Variants in SYNDIG1 observed in about 807,000 individuals in gnomAD.
The protein encoded by SYNDIG1 is synapse differentiation-inducing gene protein 1.
SYNDIG1 carries 9 observed loss-of-function variants against 19.4 expected under a neutral mutation model. The observed-to-expected ratio is 0.46, with a 90% CI of 0.28 to 0.81. The LOEUF is 0.81. SYNDIG1 is among the 30% of genes least tolerant of loss of function. The pLI is 0.12. For synonymous variants in SYNDIG1, 141 were observed against 145.9 expected, an observed-to-expected ratio of 0.97 and a Z score of 0.24; for missense variants, 311 against 343.3, an observed-to-expected ratio of 0.91 and a Z score of 0.74.
intron 3 of SYNDIG1, chr20:24,596,909 T>C (rs2058604287): frequency 6.6e-6 from 1 of 152,250 alleles, no homozygotes; most frequent in Admixed American, 6.5e-5. Flanking sequence ...TCAACGGATA[T>C]CACTGGTCAC....
At chr20:24,568,120 G>A (rs542130393) in intron 2 of SYNDIG1, among the ~76,000 whole-genome samples, 6 of 152,212 alleles carry the variant, frequency 3.9e-5, no homozygotes, top group Non-Finnish European at 7.4e-5. Context: ...CAGCCTGGGC[G>A]ACAGAAGGAG....
intron 3 of SYNDIG1, among the ~76,000 whole-genome samples, chr20:24,589,426 A>C (rs541806308): frequency 9.8e-4 from 149 of 152,368 alleles, no homozygotes; most frequent in East Asian, 5.8e-4. Flanking sequence ...ATGAAAATAG[A>C]ACCACAGTCC....
intron 3 of SYNDIG1, among the ~76,000 whole-genome samples, chr20:24,652,382 C>G (rs6138343): frequency 6.6e-6 from 1 of 152,158 alleles, no homozygotes; most frequent in African/African-American, 2.4e-5. Context: ...CCCAGGCTGC[C>G]TTACCGAGGA....
intron 3 of SYNDIG1, among the ~76,000 whole-genome samples, chr20:24,660,130 C>T (rs577855744): frequency 1.3e-5 from 2 of 152,320 alleles, no homozygotes; most frequent in African/African-American, 2.4e-5. Flanking sequence ...GCCCTTCTAT[C>T]GCTGGCACTC....
intron 1 of SYNDIG1, among the ~76,000 whole-genome samples, chr20:24,475,166 C>G (rs1315439110): frequency 6.6e-6 from 1 of 152,170 alleles, no homozygotes; most frequent in African/African-American, 2.4e-5. Context: ...TAGCATGGGT[C>G]TGAGATGCAG....
intron 1 of SYNDIG1, among the ~76,000 whole-genome samples, chr20:24,504,891 A>G (rs778355153): frequency 6.6e-6 from 1 of 152,208 alleles, no homozygotes; most frequent in Non-Finnish European, 1.5e-5. Context: ...CTGCTGCAAT[A>G]GCCCAGTAAG....
intron 1 of SYNDIG1, among the ~76,000 whole-genome samples, chr20:24,477,794 G>A (rs780721453): frequency 1.3e-5 from 2 of 152,222 alleles, no homozygotes; most frequent in Non-Finnish European, 2.9e-5. Flanking sequence ...TTGCCCTTCA[G>A]GGGAGACTGA....
In SYNDIG1 at chr20:24,546,389, T is replaced by G. The variant is rs2057577469; in HGVS notation, c.480+2812T>G. 3.9e-5 allele frequency among the ~76,000 whole-genome samples: 6 copies of G among 152,222 alleles called. 1 individual carries two copies. In the South Asian group the frequency reaches 1.2e-3, roughly 32 times the overall value. On this transcript the variant is annotated intron_variant, in intron 2 of 3. Coordinates refer to ENST00000376862, the MANE Select transcript of SYNDIG1 (RefSeq NM_024893.3). ...AACTCTTTCTTCAGCTTATGATTTC[T>G]GAGGGTCGGCAATTGAGCTGGGCTC...
Position 24,624,139 on chromosome 20 carries a change from G to A in SYNDIG1, c.618+39146G>A, listed in dbSNP as rs573430162. 5.3e-5 allele frequency among the ~76,000 whole-genome samples: 8 copies of A among 151,816 alleles called. No individual in the cohort carries two copies. The South Asian group carries it at 1.0e-3, about 20-fold the overall frequency. On this transcript the variant is annotated intron_variant, in intron 3 of 3. Coordinates refer to ENST00000376862, the MANE Select transcript of SYNDIG1 (RefSeq NM_024893.3). ...TAGCTGAGTGTGGTGGTGGGTGCCTGTAGTCCCAGCTACTTGGGAGGCAGA... is the reference window on the plus strand; with the variant it reads ...TAGCTGAGTGTGGTGGTGGGTGCCTATAGTCCCAGCTACTTGGGAGGCAGA...
intron 1 of SYNDIG1, among the ~76,000 whole-genome samples, chr20:24,474,419 C>CATTCCTGCT (rs2055557797): frequency 6.6e-6 from 1 of 152,090 alleles, no homozygotes; most frequent in Non-Finnish European, 1.5e-5. Context: ...CCAAAAATAA[C>CATTCCTGCT]AGAACCAGGA....
chr20:24,474,062 A>C (rs1417655173), intron 1 of SYNDIG1, among the ~76,000 whole-genome samples: 2 of 152,240 alleles, frequency 1.3e-5, no homozygotes, highest in African/African-American at 2.4e-5. Context: ...GGGTGTGTAC[A>C]TAGCCATGTG....
intron 2 of SYNDIG1, among the ~76,000 whole-genome samples, chr20:24,545,195 G>T (rs2057551411): frequency 6.6e-6 from 1 of 152,194 alleles, no homozygotes; most frequent in African/African-American, 2.4e-5. Flanking sequence ...TGCAACTCCA[G>T]CCGGTGGAGC....
Position 24,584,936 on chromosome 20 carries a change from C to T in SYNDIG1, c.561C>T (p.Phe187=), listed in dbSNP as rs2058389903. ...GGGACCACCTGGGCCTCAGTGTCTTCTCCATGCTCTGCTGCTTCTGGCCTC... is the reference window on the plus strand; with the variant it reads ...GGGACCACCTGGGCCTCAGTGTCTTTTCCATGCTCTGCTGCTTCTGGCCTC... ...PPRDHLGLSV[F]SMLCCFWPLG... is the part of the protein sequence containing the mutation. Residue 187 remains phenylalanine, a synonymous_variant, in exon 3 of 4, where the codon TTC becomes TTT. Transcript: ENST00000376862. 6.2e-7 allele frequency: 1 copy of T among 1,613,942 alleles called. No individual in the cohort carries two copies. Among genetic ancestry groups the T allele is most frequent in the African/African-American group, 1.3e-5 (1 of 74,882 alleles).
chr20:24,565,434 G>A (rs1334693758), intron 2 of SYNDIG1, among the ~76,000 whole-genome samples: 1 of 152,206 alleles, frequency 6.6e-6, no homozygotes, highest in Non-Finnish European at 1.5e-5. Flanking sequence ...AGGGTGCTGG[G>A]ACAGGATGGG....
intron 2 of SYNDIG1, among the ~76,000 whole-genome samples, chr20:24,562,758 T>C (rs1481063152): frequency 6.6e-6 from 1 of 152,242 alleles, no homozygotes; most frequent in Non-Finnish European, 1.5e-5. Flanking sequence ...TCCATGCCAC[T>C]ATGTAAAATT....
Position 24,474,953 on chromosome 20 carries a change from A to G in SYNDIG1, c.-79+5200A>G, listed in dbSNP as rs553890878. On this transcript the variant is annotated intron_variant, in intron 1 of 3. Coordinates refer to ENST00000376862, the MANE Select transcript of SYNDIG1 (RefSeq NM_024893.3). The stretch of plus-strand genomic sequence containing the variant: ...ACAAAAGTTTTATTCCATTGCCTCA[A>G]CTTTAAACTACAGATCTTTCTGAAA... 3.3e-5 allele frequency among the ~76,000 whole-genome samples: 5 copies of G among 152,348 alleles called. No homozygotes were observed. In the East Asian group the frequency reaches 9.6e-4, roughly 29 times the overall value.
chr20:24,511,661 A>G (rs2056745867), intron 1 of SYNDIG1, among the ~76,000 whole-genome samples: 1 of 152,132 alleles, frequency 6.6e-6, no homozygotes, highest in South Asian at 2.1e-4. Context: ...TTAAGGCTTC[A>G]TATCTAACTT....
intron 1 of SYNDIG1, among the ~76,000 whole-genome samples, chr20:24,507,695 A>G (rs572598776): frequency 2.2e-4 from 33 of 152,284 alleles, no homozygotes; most frequent in Non-Finnish European, 3.2e-4. Context: ...TAAGAAACTG[A>G]GCAGTATCGG....
chr20:24,553,909 A>G (rs1451760697), intron 2 of SYNDIG1, among the ~76,000 whole-genome samples: 3 of 152,224 alleles, frequency 2.0e-5, no homozygotes, highest in South Asian at 4.1e-4. Context: ...CAGTATGGCC[A>G]TTTTCACGAT....
Sources: gnomAD v4.1 joint callset for allele counts (sites outside exome capture counted in the v4.1 genomes callset) on GRCh38, gnomAD v4.1.1 for gene constraint, MANE v1.5 for transcripts, NCBI Gene and HGNC (gene_info 2026-07-23, HGNC 2026-07-21) for gene names.